The following HM13 variants were observed in gnomAD, a reference collection of about 807,000 sequenced individuals.
HM13 encodes signal peptide peptidase.
Under a neutral mutation model 50.0 loss-of-function variants are expected in HM13, and 18 were observed. The ratio of observed to expected loss-of-function variants is 0.36; its 90% CI spans 0.25 to 0.53. The LOEUF (loss-of-function observed/expected upper bound fraction) is 0.53, where lower values mean the gene tolerates loss of function less well. HM13 is among the 20% of genes least tolerant of loss of function. HM13 has a pLI of 0.90. For synonymous variants in HM13, 197 were observed against 232.6 expected (o/e 0.85, Z 1.39); for missense variants, 393 against 552.4 (o/e 0.71, Z 2.89).
intron 2 of HM13, among the ~76,000 whole-genome samples, chr20:31,533,475 A>G (rs1982933962): frequency 6.6e-6 from 1 of 152,262 alleles, no homozygotes; most frequent in Non-Finnish European, 1.5e-5. Flanking sequence ...ACTGCACTCC[A>G]GCCTGGGTGA....
intron 1 of HM13, among the ~76,000 whole-genome samples, chr20:31,515,304 C>T (rs561943123): frequency 2.5e-4 from 38 of 152,336 alleles, no homozygotes; most frequent in Admixed American, 2.2e-3. Flanking sequence ...CTTGCCCCTG[C>T]CTCAAAAACA....
Position 31,546,089 on chromosome 20 carries a change from G to A in HM13, c.454+1054G>A, listed in dbSNP as rs140589384. Among the ~76,000 whole-genome samples, 897 of 131,028 alleles carry A rather than the reference G, an allele frequency of 6.8e-3. 8 individuals are homozygous for A. Among genetic ancestry groups the A allele is most frequent in the African/African-American group, 0.026 (859 of 32,956 alleles). 86.0% of individuals were successfully genotyped at this position (131,028 alleles called of 152,430 possible). A position where few individuals can be genotyped will look rare whatever the true frequency, so the allele number is the denominator to read the frequency against. ...TTTCGAGACAGGGTCTCGCTCTGTC[G>A]CCCAGGCTGGAGTGCAGCGGCACAA... is the stretch of plus-strand genomic sequence containing the variant. On this transcript the variant is annotated intron_variant, in intron 4 of 12. Coordinates refer to ENST00000398174, the MANE Select transcript of HM13 (RefSeq NM_178581.3).
At chr20:31,533,076 T>C (rs1982906694) in intron 2 of HM13, among the ~76,000 whole-genome samples, 1 of 152,222 alleles carries the variant, frequency 6.6e-6, no homozygotes, top group Non-Finnish European at 1.5e-5. Flanking sequence ...GGGCTCCTCC[T>C]GGCCTCCCCC....
chr20:31,521,903 A>G (rs1982187792), intron 1 of HM13, among the ~76,000 whole-genome samples: 1 of 133,632 alleles, frequency 7.5e-6, no homozygotes, highest in Non-Finnish European at 1.5e-5. Context: ...CATGTTGCCC[A>G]TGCTGGTCTC....
At chr20:31,534,871 G>A (rs2122580987) in intron 2 of HM13, among the ~76,000 whole-genome samples, 1 of 152,154 alleles carries the variant, frequency 6.6e-6, no homozygotes, top group East Asian at 1.9e-4. Flanking sequence ...AGATCACGTG[G>A]TCAGGAGATC....
At chr20:31,521,863 T>TTC (rs1274377174) in intron 1 of HM13, among the ~76,000 whole-genome samples, 3 of 150,344 alleles carry the variant, frequency 2.0e-5, no homozygotes, top group African/African-American at 7.4e-5. Context: ...TCTTTTTTTT[T>TTC]TTTTTTTTTT....
chr20:31,549,542 C>T (rs530242201), intron 6 of HM13, among the ~76,000 whole-genome samples: 10 of 152,026 alleles, frequency 6.6e-5, no homozygotes, highest in Non-Finnish European at 1.0e-4. Context: ...CACTCATGCC[C>T]GGTGCCTTCC....
intron 4 of HM13, chr20:31,548,099 C>T (rs1983823782): frequency 8.4e-7 from 1 of 1,196,746 alleles, no homozygotes; most frequent in Admixed American, 1.7e-5. Context: ...TTGATTGTGT[C>T]GTATGTGTGT....
chr20:31,534,763 C>T (rs976026972), intron 2 of HM13, among the ~76,000 whole-genome samples: 3 of 150,266 alleles, frequency 2.0e-5, no homozygotes, highest in Non-Finnish European at 4.4e-5. Context: ...GCCTAGGCAA[C>T]AAAGTGAGAC....
chr20:31,547,448 C>G, intron 4 of HM13: 1 of 565,828 alleles, frequency 1.8e-6, no homozygotes, highest in Non-Finnish European at 3.2e-6. Flanking sequence ...GGGGACTCCA[C>G]CGGAGCCTTG....
At chr20:31,554,918 C>A in intron 8 of HM13, 89 bp downstream of exon 8, 1 of 1,100,092 alleles carries the variant, frequency 9.1e-7, no homozygotes, top group Non-Finnish European at 1.4e-6. Flanking sequence ...ACAGGCTTAC[C>A]AGCTGAGAAA....
At chr20:31,553,295 C>CAA (rs571430209) in intron 7 of HM13, among the ~76,000 whole-genome samples, 2,651 of 113,926 alleles carry the variant, frequency 0.023, 76 homozygotes, top group East Asian at 0.065. Context: ...GACTCCATCT[C>CAA]AAAAAAAAAA....
rs761608092 is a variant in HM13 at position 31,514,570 on chromosome 20, G to T, written c.19G>T (p.Asp7Tyr). 6.2e-7 allele frequency: 1 copy of T among 1,606,600 alleles called. No individual in the cohort carries two copies. The highest frequency in any genetic ancestry group is 1.7e-5 in the Admixed American group (1 of 59,208). The change falls in exon 1 of 13, where the codon GAT (aspartate) becomes TAT (tyrosine). Residue 7 changes from aspartate (D) to tyrosine (Y), a missense_variant. Around this residue, in one of 3 missense-constraint regions of HM13, gnomAD observed 214 missense variants for 276.1 expected, o/e 0.77. Coordinates refer to ENST00000398174, the MANE Select transcript of HM13 (RefSeq NM_178581.3). This position sits in a 1 kb window ranked among gnomAD's most constrained non-coding sequence, Gnocchi z 4.3. Reference sequence around the variant, plus strand: ...CCTCGCCATGGACTCGGCCCTCAGCGATCCGCATAACGGCAGTGCCGAGGC... The same window carrying T: ...CCTCGCCATGGACTCGGCCCTCAGCTATCCGCATAACGGCAGTGCCGAGGC... MDSALS[D>Y]PHNGSAEAGG...
intron 11 of HM13, 101 bp from the exon 12 acceptor site, chr20:31,567,977 G>T: frequency 9.6e-7 from 1 of 1,043,812 alleles, no homozygotes; most frequent in South Asian, 1.9e-5. Flanking sequence ...GTAAAAACAA[G>T]ACAGTTCTGC....
At chr20:31,530,587 T>C (rs1982756718) in intron 2 of HM13, among the ~76,000 whole-genome samples, 1 of 152,062 alleles carries the variant, frequency 6.6e-6, no homozygotes, top group Admixed American at 6.6e-5. Flanking sequence ...ATTTTTGTAA[T>C]TTTAGTAGAG....
intron 9 of HM13, among the ~76,000 whole-genome samples, chr20:31,560,537 G>C (rs769850250): frequency 1.3e-5 from 2 of 152,208 alleles, no homozygotes; most frequent in African/African-American, 2.4e-5. Flanking sequence ...TGGGCTCACA[G>C]TCACCTTTGG....
chr20:31,564,406 G>T (rs1278565333), intron 10 of HM13, among the ~76,000 whole-genome samples: 1 of 152,008 alleles, frequency 6.6e-6, no homozygotes, highest in Non-Finnish European at 1.5e-5. Context: ...GTGACAACCA[G>T]TCTCTACAAA....
At chr20:31,534,535 G>A (rs149893697) in intron 2 of HM13, among the ~76,000 whole-genome samples, 15 of 152,304 alleles carry the variant, frequency 9.8e-5, no homozygotes, top group Non-Finnish European at 1.6e-4. Context: ...TGTAATCCCA[G>A]CACTTTGGGA....
At chr20:31,568,995 G>C in intron 12 of HM13, 125 bp from the exon 13 acceptor site, 1 of 656,602 alleles carries the variant, frequency 1.5e-6, no homozygotes, top group East Asian at 2.7e-5. Flanking sequence ...AGTGGACACA[G>C]GGCTGACGCT....
Sources: gnomAD v4.1 joint callset for allele counts (sites outside exome capture counted in the v4.1 genomes callset) on GRCh38, gnomAD v4.1.1 for gene constraint, gnomAD v4.1.1 regional missense constraint, Gnocchi (gnomAD v3.1) non-coding constraint, MANE v1.5 for transcripts, NCBI Gene and HGNC (gene_info 2026-07-23, HGNC 2026-07-21) for gene names.